The following EYA4 variants were observed in gnomAD, a reference collection of about 807,000 sequenced individuals.
EYA4 encodes EYA transcriptional coactivator and phosphatase 4.
A neutral mutation model predicts 87.9 loss-of-function variants in EYA4; 31 were observed. The observed-to-expected ratio is 0.35, with a 90% CI of 0.27 to 0.48. The LOEUF is 0.48. Among genes scored for constraint, EYA4 ranks in the 20% least tolerant of loss-of-function variants. The probability of loss-of-function intolerance (pLI) is 0.99; values close to 1 mark genes in which losing one functional copy is unlikely to be tolerated. For missense variants in EYA4, 678 were observed against 761.4 expected, an observed-to-expected ratio of 0.89 and a Z score of 1.29; for synonymous variants, 263 against 270.6, an observed-to-expected ratio of 0.97 and a Z score of 0.28.
At chr6:133,525,858 G>A in intron 19 of EYA4, 1 of 972,554 alleles carries the variant, frequency 1.0e-6, no homozygotes, top group Non-Finnish European at 1.2e-6. Flanking sequence ...ACTGAAATGG[G>A]ATGTATTGCT....
intron 1 of EYA4, among the ~76,000 whole-genome samples, chr6:133,262,084 G>A (rs553533853): frequency 6.6e-6 from 1 of 152,140 alleles, no homozygotes; most frequent in Non-Finnish European, 1.5e-5. Flanking sequence ...AGGGTTTCAA[G>A]AGTTCAATGC....
At chr6:133,525,309 T>C (rs1049215851) in intron 19 of EYA4, 55 bp downstream of exon 19, 2 of 1,470,812 alleles carry the variant, frequency 1.4e-6, no homozygotes, top group African/African-American at 1.4e-5. Context: ...CCTTTTTGTT[T>C]GCATTTCTGT....
intron 2 of EYA4, among the ~76,000 whole-genome samples, chr6:133,359,865 C>A (rs528421708): frequency 6.6e-6 from 1 of 152,280 alleles, no homozygotes; most frequent in East Asian, 1.9e-4. Context: ...CCAGACTGGA[C>A]AGCTGTCCAT....
At chr6:133,316,647 C>G (rs1260678566) in intron 2 of EYA4, among the ~76,000 whole-genome samples, 1 of 152,224 alleles carries the variant, frequency 6.6e-6, no homozygotes, top group African/African-American at 2.4e-5. Flanking sequence ...TGTACTTGTA[C>G]ATGGCTATTT....
intron 3 of EYA4, among the ~76,000 whole-genome samples, chr6:133,405,868 G>A (rs1336569250): frequency 6.6e-6 from 1 of 152,044 alleles, no homozygotes; most frequent in African/African-American, 2.4e-5. Flanking sequence ...AGGAAATGAG[G>A]GCTGGGTCAT....
rs1784662375 is a variant in EYA4, at chr6:133,363,928, C to G, written c.34-18464C>G. On this transcript the variant is annotated intron_variant, in intron 2 of 19. Transcript: ENST00000355286. ...TGAGGCAAGCAGCATCTTAACCTCA[C>G]TTGAGAAAGTGGCAGCTCTAATCTC... is the stretch of plus-strand genomic sequence containing the variant. 2.0e-5 allele frequency among the ~76,000 whole-genome samples: 3 copies of G among 152,206 alleles called. No individual in the cohort carries two copies. In the South Asian group the frequency reaches 6.2e-4, roughly 32 times the overall value.
chr6:133,525,088 C>G (rs184497793), intron 18 of EYA4, 66 bp from the exon 19 acceptor site: 3 of 1,613,578 alleles, frequency 1.9e-6, no homozygotes, highest in Non-Finnish European at 2.5e-6. Flanking sequence ...TTGGAGATGG[C>G]CGAGATGAGG....
intron 3 of EYA4, among the ~76,000 whole-genome samples, chr6:133,392,327 T>TA (rs562265946): frequency 0.011 from 1,613 of 146,246 alleles, 18 homozygotes; most frequent in South Asian, 0.029. Flanking sequence ...TTTAGCTCTT[T>TA]AAAAAAAAAA....
At chr6:133,386,286 C>T (rs1049789254) in intron 3 of EYA4, among the ~76,000 whole-genome samples, 7 of 152,088 alleles carry the variant, frequency 4.6e-5, no homozygotes, top group African/African-American at 1.2e-4. Context: ...GACTCATCAC[C>T]GAAAATACAT....
At chr6:133,506,808 G>T (rs180928327) in intron 14 of EYA4, among the ~76,000 whole-genome samples, 1 of 152,064 alleles carries the variant, frequency 6.6e-6, no homozygotes, top group African/African-American at 2.4e-5. Flanking sequence ...AAAATGAAAC[G>T]ACCCAAGGAA....
intron 2 of EYA4, among the ~76,000 whole-genome samples, chr6:133,333,949 G>T (rs775985371): frequency 6.6e-6 from 1 of 152,124 alleles, no homozygotes; most frequent in African/African-American, 2.4e-5. Context: ...TGGGCTCTAT[G>T]TATACTAAGG....
At chr6:133,331,578 A>C (rs1174827205) in intron 2 of EYA4, among the ~76,000 whole-genome samples, 1 of 152,212 alleles carries the variant, frequency 6.6e-6, no homozygotes, top group Non-Finnish European at 1.5e-5. Flanking sequence ...AATAAATGAA[A>C]GGCTTTGTCT....
At chr6:133,402,943 A>G (rs1263393792) in intron 3 of EYA4, among the ~76,000 whole-genome samples, 1 of 152,176 alleles carries the variant, frequency 6.6e-6, no homozygotes, top group Non-Finnish European at 1.5e-5. Context: ...GTGGAGTCTC[A>G]GCCCCTCCAG....
At chr6:133,368,071 T>C (rs1784989582) in intron 2 of EYA4, among the ~76,000 whole-genome samples, 1 of 152,208 alleles carries the variant, frequency 6.6e-6, no homozygotes, top group Admixed American at 6.5e-5. Context: ...TATGCAATTT[T>C]CCCACTTGGT....
At chr6:133,299,838 A>G (rs1779237617) in intron 2 of EYA4, among the ~76,000 whole-genome samples, 4 of 151,604 alleles carry the variant, frequency 2.6e-5, no homozygotes, top group Middle Eastern at 6.9e-3. Flanking sequence ...TATGATGATC[A>G]TGTTAAGATG....
chr6:133,282,029 C>G (rs1487949542), intron 2 of EYA4, among the ~76,000 whole-genome samples: 4 of 152,046 alleles, frequency 2.6e-5, no homozygotes, highest in Non-Finnish European at 5.9e-5. Context: ...TTGTGGGCAC[C>G]TAAGTTGGTT....
intron 2 of EYA4, among the ~76,000 whole-genome samples, chr6:133,285,101 A>G (rs1164770238): frequency 3.3e-5 from 5 of 150,076 alleles, no homozygotes; most frequent in Non-Finnish European, 7.4e-5. Flanking sequence ...GGTTCACGCC[A>G]TTCTCCTGCC....
intron 3 of EYA4, among the ~76,000 whole-genome samples, chr6:133,412,046 T>A (rs966483348): frequency 6.6e-6 from 1 of 152,202 alleles, no homozygotes; most frequent in African/African-American, 2.4e-5. Flanking sequence ...TCAAAGTCAT[T>A]TAAATGGATA....
intron 2 of EYA4, among the ~76,000 whole-genome samples, chr6:133,365,250 G>A (rs1199387709): frequency 6.6e-6 from 1 of 152,146 alleles, no homozygotes. Context: ...CTGTATTCAC[G>A]AAACGGAGGC....
Sources: gnomAD v4.1 joint callset for allele counts (sites outside exome capture counted in the v4.1 genomes callset) on GRCh38, gnomAD v4.1.1 for gene constraint, MANE v1.5 for transcripts, NCBI Gene and HGNC (gene_info 2026-07-23, HGNC 2026-07-21) for gene names.